The following ZNF708 variants were observed in gnomAD, a reference collection of about 807,000 sequenced individuals.
The protein encoded by ZNF708 is ZNF15, ZNF15L1.
ZNF708 carries 44 observed loss-of-function variants against 47.0 expected under a neutral mutation model. The ratio of observed to expected loss-of-function variants is 0.94; its 90% confidence interval spans 0.74 to 1.20. The LOEUF is 1.20. Ranked by LOEUF, ZNF708 falls within the 50% of genes most tolerant of loss-of-function variation. The pLI is 0.00. For missense variants in ZNF708, 557 were observed against 656.0 expected (o/e 0.85, Z 1.65); for synonymous variants, 184 against 218.5 (o/e 0.84, Z 1.39).
At chr19:21,327,497 A>T (rs1483582047) in intron 1 of ZNF708, among the ~76,000 whole-genome samples, 2 of 148,578 alleles carry the variant, frequency 1.3e-5, no homozygotes, top group African/African-American at 5.0e-5. Flanking sequence ...GTGCCATTGC[A>T]CTCCAGCCTG....
chr19:21,301,688 T>A (rs1428243677), intron 3 of ZNF708, among the ~76,000 whole-genome samples: 1 of 152,068 alleles, frequency 6.6e-6, no homozygotes, highest in Non-Finnish European at 1.5e-5. Flanking sequence ...TCCCAGCTAC[T>A]CAGGAAGCTG....
At chr19:21,322,236 C>T (rs1973162425) in intron 1 of ZNF708, among the ~76,000 whole-genome samples, 1 of 151,902 alleles carries the variant, frequency 6.6e-6, no homozygotes, top group Admixed American at 6.6e-5. Context: ...GCTGGGAATC[C>T]TGTGGTGGCA....
chr19:21,308,051 T>C (rs1972821189), intron 3 of ZNF708, among the ~76,000 whole-genome samples: 1 of 151,666 alleles, frequency 6.6e-6, no homozygotes, highest in African/African-American at 2.4e-5. Flanking sequence ...CCCAAGAAAG[T>C]GAAAAAAATC....
rs1430123181 is a variant in ZNF708 at position 21,292,798 on chromosome 19, C to G, written c.*476G>C. ...GTCTTTATATTGGTACAATTTTTCT[C>G]AAGTATAAATGCTTTCCTGGCAATA... On this transcript the variant is annotated 3_prime_UTR_variant, in exon 4 of 4. Coordinates refer to ENST00000356929, the MANE Select transcript of ZNF708 (RefSeq NM_021269.3). The G allele has an allele frequency of 6.1e-6, 1 of 165,084 alleles. No individual in the cohort carries two copies. The highest frequency in any genetic ancestry group is 1.3e-5 in the Non-Finnish European group (1 of 75,536). 10.2% of individuals were successfully genotyped at this position (165,084 alleles called of 1,614,324 possible). A position where few individuals can be genotyped will look rare whatever the true frequency, so the allele number is the denominator to read the frequency against.
At chr19:21,312,133 A>G (rs1009971881) in intron 1 of ZNF708, among the ~76,000 whole-genome samples, 7 of 152,058 alleles carry the variant, frequency 4.6e-5, no homozygotes, top group African/African-American at 1.4e-4. Flanking sequence ...TGTCTCTACT[A>G]AAAACACAAA....
At chr19:21,300,299 C>T (rs1972628961) in intron 3 of ZNF708, among the ~76,000 whole-genome samples, 1 of 151,316 alleles carries the variant, frequency 6.6e-6, no homozygotes, top group Non-Finnish European at 1.5e-5. Context: ...CACATGAGGT[C>T]AGGAGTTGGA....
rs1027702972 is a variant in ZNF708, at chr19:21,301,580, C to T, written c.227-6841G>A. Among the ~76,000 whole-genome samples the T allele has an allele frequency of 3.3e-5, 5 of 152,016 alleles. No individual in the cohort carries two copies. In the East Asian group the frequency reaches 7.7e-4, roughly 23 times the overall value. Reference sequence around the variant, plus strand: ...GCAGTGAGCCAAGATCAAGCCACTGCATTCTAGCCTGGGCGACACAGCTAG... The same window carrying T: ...GCAGTGAGCCAAGATCAAGCCACTGTATTCTAGCCTGGGCGACACAGCTAG... On this transcript the variant is annotated intron_variant, in intron 3 of 3. Transcript: ENST00000356929.
intron 1 of ZNF708, among the ~76,000 whole-genome samples, chr19:21,313,596 A>G (rs1239053879): frequency 2.6e-5 from 4 of 152,022 alleles, no homozygotes; most frequent in Admixed American, 6.6e-5. Flanking sequence ...CGTCTCTACT[A>G]AAAATACAAA....
At chr19:21,312,662 G>T (rs1165969992) in intron 1 of ZNF708, among the ~76,000 whole-genome samples, 2 of 152,140 alleles carry the variant, frequency 1.3e-5, no homozygotes, top group Admixed American at 1.3e-4. Context: ...CCCACTCTAC[G>T]TAATGGGATT....
chr19:21,297,761 T>C (rs983299369), intron 3 of ZNF708, among the ~76,000 whole-genome samples: 1 of 152,088 alleles, frequency 6.6e-6, no homozygotes, highest in Non-Finnish European at 1.5e-5. Flanking sequence ...AAAAAAAGAC[T>C]GAAAGTAGCA....
At chr19:21,307,406 A>G (rs568754292) in intron 3 of ZNF708, among the ~76,000 whole-genome samples, 25 of 152,010 alleles carry the variant, frequency 1.6e-4, no homozygotes, top group African/African-American at 5.8e-4. Context: ...CGGGTGGATC[A>G]CAAGGTCAGG....
chr19:21,303,881 T>C (rs2145160052), intron 3 of ZNF708, among the ~76,000 whole-genome samples: 1 of 152,150 alleles, frequency 6.6e-6, no homozygotes, highest in African/African-American at 2.4e-5. Context: ...TCTCTCTCTA[T>C]ATATGTATGT....
chr19:21,310,450 AAAAAAT>A lies in ZNF708; in HGVS notation c.130+45_130+50del. ...ACAGAGTGAAACTCTGTCTCAAAAAAAAAAATAATAATAAATAATAAAAATTAAAAA... is the reference window on the plus strand; with the variant it reads ...ACAGAGTGAAACTCTGTCTCAAAAAAAATAATAAATAATAAAAATTAAAAA... On this transcript the variant is annotated intron_variant, in intron 2 of 3. Coordinates refer to ENST00000356929, the MANE Select transcript of ZNF708 (RefSeq NM_021269.3). The A allele has an allele frequency of 4.2e-6, 4 of 956,566 alleles. 1 individual carries two copies. In the South Asian group the frequency reaches 1.2e-4, roughly 29 times the overall value. The allele number at this position is 956,566 out of a possible 1,614,324, so 59.3% of individuals were successfully genotyped here. A position where few individuals can be genotyped will look rare whatever the true frequency, so the allele number is the denominator to read the frequency against.
intron 3 of ZNF708, among the ~76,000 whole-genome samples, chr19:21,297,808 A>G (rs908660782): frequency 9.2e-5 from 14 of 152,128 alleles, no homozygotes; most frequent in Non-Finnish European, 1.0e-4. Context: ...TATTAACCAA[A>G]TGAGAGAAGA....
chr19:21,322,537 A>G (rs1363655896), intron 1 of ZNF708, among the ~76,000 whole-genome samples: 1 of 152,086 alleles, frequency 6.6e-6, no homozygotes, highest in Non-Finnish European at 1.5e-5. Context: ...TCCTGAGCTC[A>G]GGCAATCCAC....
intron 3 of ZNF708, among the ~76,000 whole-genome samples, chr19:21,300,942 G>C (rs1482984967): frequency 6.6e-6 from 1 of 151,908 alleles, no homozygotes; most frequent in Non-Finnish European, 1.5e-5. Flanking sequence ...TTACAGGCAT[G>C]AGCCACCATG....
chr19:21,328,221 A>G (rs1973302445), intron 1 of ZNF708: 1 of 155,852 alleles, frequency 6.4e-6, no homozygotes, highest in Admixed American at 6.5e-5. Context: ...CATAAAATAC[A>G]GTGTCAGGGA....
At chr19:21,322,220 T>C (rs1260644547) in intron 1 of ZNF708, among the ~76,000 whole-genome samples, 1 of 152,054 alleles carries the variant, frequency 6.6e-6, no homozygotes, top group African/African-American at 2.4e-5. Context: ...GGTATGTTTG[T>C]GAGTGGCTGG....
intron 1 of ZNF708, among the ~76,000 whole-genome samples, chr19:21,325,870 A>G (rs1281985853): frequency 6.6e-6 from 1 of 152,200 alleles, no homozygotes; most frequent in East Asian, 1.9e-4. Flanking sequence ...AAATCAGTAC[A>G]AAACAAACAA....
Sources: allele counts gnomAD v4.1 joint callset (sites outside exome capture counted in the v4.1 genomes callset), GRCh38; gene constraint gnomAD v4.1.1; transcripts MANE v1.5; gene names NCBI Gene and HGNC (gene_info 2026-07-23, HGNC 2026-07-21).